Variants in SUPT3H observed in about 807,000 individuals in gnomAD.
SUPT3H encodes the protein transcription initiation protein SPT3 homolog.
SUPT3H carries 44 observed loss-of-function variants against 44.3 expected under a neutral mutation model. That is an observed-to-expected ratio of 0.99 (90% CI 0.78 to 1.28). The LOEUF (loss-of-function observed/expected upper bound fraction) is 1.28. SUPT3H is among the 50% of genes most tolerant of loss of function. The pLI, the probability that SUPT3H is intolerant of heterozygous loss-of-function variation, is 0.00. For missense variants in SUPT3H, 380 were observed against 387.1 expected, an observed-to-expected ratio of 0.98 and a Z score of 0.15; for synonymous variants, 124 against 125.6, an observed-to-expected ratio of 0.99 and a Z score of 0.09.
chr6:44,949,492 AT>A (rs1375212588), intron 9 of SUPT3H, among the ~76,000 whole-genome samples: 1 of 152,134 alleles, frequency 6.6e-6, no homozygotes, highest in African/African-American at 2.4e-5. Flanking sequence ...GAAACTTAAA[AT>A]TTCTCAGCTA....
intron 2 of SUPT3H, among the ~76,000 whole-genome samples, chr6:45,258,712 T>C (rs1423170919): frequency 6.6e-6 from 1 of 152,168 alleles, no homozygotes; most frequent in Non-Finnish European, 1.5e-5. Context: ...TATGGAAAAC[T>C]AAGCCTTCAC....
rs534987197 is a variant in SUPT3H, at chr6:44,862,732, T to TTTC, written c.913-32878_913-32876dup. 2.7e-3 allele frequency among the ~76,000 whole-genome samples: 415 copies of TTTC among 151,682 alleles called. 1 individual carries two copies. The highest frequency in any genetic ancestry group is 9.4e-3 in the African/African-American group (390 of 41,466). ...AAAAAGAAATGATAGAATTCTATAG[T>TTTC]TTCTCTTTCATTTGGGCTATAATTG... On this transcript the variant is annotated intron_variant, in intron 10 of 10. Coordinates refer to ENST00000371459, the MANE Select transcript of SUPT3H (RefSeq NM_003599.4).
intron 2 of SUPT3H, among the ~76,000 whole-genome samples, chr6:45,265,179 G>C (rs1170878545): frequency 6.6e-5 from 10 of 151,972 alleles, no homozygotes; most frequent in Admixed American, 6.6e-4. Context: ...CTCTCAATAG[G>C]ACACCTAATA....
intron 2 of SUPT3H, among the ~76,000 whole-genome samples, chr6:45,284,817 C>T (rs964868543): frequency 6.6e-6 from 1 of 152,190 alleles, no homozygotes; most frequent in Non-Finnish European, 1.5e-5. Context: ...ACCAATATCT[C>T]TGATGAACAT....
intron 2 of SUPT3H, among the ~76,000 whole-genome samples, chr6:45,152,408 C>T (rs950809967): frequency 3.9e-5 from 6 of 152,146 alleles, no homozygotes; most frequent in African/African-American, 1.4e-4. Context: ...CTAGCCTGGG[C>T]AGTTCTAGTA....
chr6:44,915,351 T>C (rs75995879), intron 10 of SUPT3H, among the ~76,000 whole-genome samples: 351 of 152,342 alleles, frequency 2.3e-3, no homozygotes, highest in African/African-American at 8.0e-3. Flanking sequence ...GGAAACTGTA[T>C]ACATTCTCAT....
intron 10 of SUPT3H, among the ~76,000 whole-genome samples, chr6:44,870,628 A>C (rs1036929656): frequency 4.6e-5 from 7 of 151,782 alleles, no homozygotes; most frequent in African/African-American, 1.7e-4. Flanking sequence ...AAGAAAAAGA[A>C]AAAGAAGGGG....
chr6:45,268,177 T>G (rs1775552073), intron 2 of SUPT3H, among the ~76,000 whole-genome samples: 1 of 152,184 alleles, frequency 6.6e-6, no homozygotes, highest in Admixed American at 6.5e-5. Context: ...ATATATGCAA[T>G]CATAGTCCTG....
rs1316579272 is a variant in SUPT3H, at chr6:44,953,371, G to C, written c.740C>G (p.Ala247Gly). 6.2e-6 allele frequency: 10 copies of C among 1,614,102 alleles called. No individual in the cohort carries two copies. The highest frequency in any genetic ancestry group is 1.7e-6 in the Non-Finnish European group (2 of 1,179,990). Residue 247 changes from alanine (A) to glycine (G), a missense_variant, in exon 9 of 11, where the codon GCA becomes GGA. Coordinates refer to ENST00000371459, the MANE Select transcript of SUPT3H (RefSeq NM_003599.4). ...LLVRQDMVTKAGDPFSHAISA... is the reference protein window; with the variant it reads ...LLVRQDMVTKGGDPFSHAISA... The stretch of plus-strand genomic sequence containing the variant: ...AATGGCATGGCTGAAGGGGTCCCCT[G>C]CCTTGGTTACCATGTCTTGCCTCAC...
intron 10 of SUPT3H, among the ~76,000 whole-genome samples, chr6:44,904,459 C>T (rs1477145428): frequency 1.3e-5 from 2 of 152,148 alleles, no homozygotes; most frequent in African/African-American, 4.8e-5. Context: ...ATCCAACTTA[C>T]AAGGGACATG....
At chr6:44,928,807 T>C (rs1345915386) in intron 10 of SUPT3H, among the ~76,000 whole-genome samples, 6 of 137,802 alleles carry the variant, frequency 4.4e-5, no homozygotes, top group Non-Finnish European at 6.1e-5. Context: ...GGCGTGAACC[T>C]GGGAGGCGGA....
chr6:44,936,475 A>G (rs1483697808), intron 9 of SUPT3H, among the ~76,000 whole-genome samples: 1 of 152,066 alleles, frequency 6.6e-6, no homozygotes, highest in East Asian at 1.9e-4. Context: ...GTAATTTCTC[A>G]TCATCTACCC....
intron 2 of SUPT3H, among the ~76,000 whole-genome samples, chr6:45,282,294 T>C (rs1778276616): frequency 6.6e-6 from 1 of 150,682 alleles, no homozygotes; most frequent in Non-Finnish European, 1.5e-5. Context: ...TAATCCGAGC[T>C]AAAGGAGGTT....
At chr6:44,948,115 T>C (rs1773645100) in intron 9 of SUPT3H, among the ~76,000 whole-genome samples, 1 of 152,188 alleles carries the variant, frequency 6.6e-6, no homozygotes, top group African/African-American at 2.4e-5. Context: ...GTTGTGGATG[T>C]GTGGTATTAT....
chr6:45,373,913 C>T (rs1796433754), intron 1 of SUPT3H, among the ~76,000 whole-genome samples: 1 of 152,202 alleles, frequency 6.6e-6, no homozygotes, highest in Non-Finnish European at 1.5e-5. Context: ...CTATTATACA[C>T]TATCCATGCT....
intron 2 of SUPT3H, among the ~76,000 whole-genome samples, chr6:45,238,053 T>C (rs1769534789): frequency 6.6e-6 from 1 of 152,188 alleles, no homozygotes; most frequent in Non-Finnish European, 1.5e-5. Context: ...GCATTTTCAT[T>C]GGAAAGTGTT....
chr6:45,325,924 A>G (rs1202329326), intron 2 of SUPT3H, among the ~76,000 whole-genome samples: 1 of 151,888 alleles, frequency 6.6e-6, no homozygotes, highest in African/African-American at 2.4e-5. Context: ...GATAATGAAT[A>G]TACTAACTTA....
At position 45,294,763 on chromosome 6, in the gene SUPT3H, A is replaced by AG. The variant is rs1780876159; in HGVS notation, c.101+70437_101+70438insC. On this transcript the variant is annotated intron_variant, in intron 2 of 10. Coordinates refer to ENST00000371459, the MANE Select transcript of SUPT3H (RefSeq NM_003599.4). ...AAAAAAAAAAAAAAAAAAAAAAAAA[A>AG]CAACTTAGGAATATACCTAACCAAG... is the stretch of plus-strand genomic sequence containing the variant. 3.2e-5 allele frequency among the ~76,000 whole-genome samples: 3 copies of AG among 94,838 alleles called. 1 individual carries two copies. Among genetic ancestry groups the AG allele is most frequent in the African/African-American group, 1.1e-4 (3 of 26,520 alleles). 62.2% of individuals were successfully genotyped at this position (94,838 alleles called of 152,430 possible).
intron 3 of SUPT3H, among the ~76,000 whole-genome samples, chr6:45,062,655 C>G (rs7763973): frequency 6.6e-6 from 1 of 151,876 alleles, no homozygotes; most frequent in Non-Finnish European, 1.5e-5. Context: ...CTGGGAAGCG[C>G]GAGGGGTCAG....
Sources: gnomAD v4.1 joint callset for allele counts (sites outside exome capture counted in the v4.1 genomes callset) on GRCh38, gnomAD v4.1.1 for gene constraint, MANE v1.5 for transcripts, NCBI Gene and HGNC (gene_info 2026-07-23, HGNC 2026-07-21) for gene names.